The following PPP4R2 variants were observed in gnomAD, a reference collection of about 807,000 sequenced individuals.
PPP4R2 encodes the protein serine/threonine-protein phosphatase 4 regulatory subunit 2.
PPP4R2 carries 13 observed loss-of-function variants against 47.2 expected under a neutral mutation model. The ratio of observed to expected loss-of-function variants is 0.28; its 90% CI spans 0.18 to 0.44. The LOEUF is 0.44. PPP4R2 is among the 20% of genes least tolerant of loss of function. The pLI is 1.00. For missense variants in PPP4R2, 421 were observed against 491.2 expected (o/e 0.86, Z 1.35); for synonymous variants, 151 against 163.3 (o/e 0.92, Z 0.57).
chr3:73,006,831 C>T (rs149309548), intron 2 of PPP4R2, among the ~76,000 whole-genome samples: 52 of 152,288 alleles, frequency 3.4e-4, no homozygotes, highest in Admixed American at 1.2e-3. Flanking sequence ...TACCTGTTGG[C>T]TATTTTATGA....
chr3:73,006,187 A>G (rs1472347228), intron 2 of PPP4R2, among the ~76,000 whole-genome samples: 1 of 134,498 alleles, frequency 7.4e-6, no homozygotes, highest in Admixed American at 7.8e-5. Flanking sequence ...TGAATATGCC[A>G]CAATTTTTTT....
At chr3:73,028,678 T>G (rs1575859086) in intron 2 of PPP4R2, among the ~76,000 whole-genome samples, 1 of 152,106 alleles carries the variant, frequency 6.6e-6, no homozygotes, top group East Asian at 1.9e-4. Context: ...GACCTCGTGA[T>G]CCGCCCGCCT....
chr3:73,007,916 A>G (rs539861083), intron 2 of PPP4R2, among the ~76,000 whole-genome samples: 1 of 137,494 alleles, frequency 7.3e-6, no homozygotes, highest in Non-Finnish European at 1.6e-5. Context: ...ACATTCTTGT[A>G]ACATCTGTAC....
chr3:73,036,027 G>A (rs966131687), intron 2 of PPP4R2, among the ~76,000 whole-genome samples: 3 of 152,112 alleles, frequency 2.0e-5, no homozygotes, highest in Non-Finnish European at 4.4e-5. Flanking sequence ...GTATATATAC[G>A]CACACACACA....
intron 2 of PPP4R2, among the ~76,000 whole-genome samples, chr3:73,004,685 T>A (rs1241650990): frequency 6.6e-6 from 1 of 152,170 alleles, no homozygotes; most frequent in Non-Finnish European, 1.5e-5. Context: ...GCTTAAGTGA[T>A]CTGCCCACTT....
At chr3:73,048,601 T>C (rs563081326) in intron 3 of PPP4R2, among the ~76,000 whole-genome samples, 1 of 152,202 alleles carries the variant, frequency 6.6e-6, no homozygotes, top group Non-Finnish European at 1.5e-5. Context: ...AAGAAGTGTT[T>C]GTGAAGTTGA....
chr3:72,996,860 C>T lies in PPP4R2; in HGVS notation c.-178C>T, dbSNP rs1033173069. The T allele has an allele frequency of 7.3e-6, 3 of 411,922 alleles. No homozygotes were observed. Among genetic ancestry groups the T allele is most frequent in the Non-Finnish European group, 1.3e-5 (3 of 231,440 alleles). The allele number at this position is 411,922 out of a possible 1,614,324, so 25.5% of individuals were successfully genotyped here. The stretch of plus-strand genomic sequence containing the variant: ...GTAGCGGCTTGGGGAGGTGCTCGCT[C>T]TGTCGGTCTTGCTCTCTCGCACGCT... On this transcript the variant is annotated 5_prime_UTR_variant, in exon 1 of 9. Transcript: ENST00000356692.
intron 3 of PPP4R2, among the ~76,000 whole-genome samples, chr3:73,051,366 G>A (rs927958999): frequency 3.9e-5 from 6 of 152,168 alleles, no homozygotes; most frequent in South Asian, 2.1e-4. Flanking sequence ...GTAATTCTTC[G>A]GTACTGTATA....
At chr3:73,034,343 G>A (rs891024068) in intron 2 of PPP4R2, among the ~76,000 whole-genome samples, 1 of 152,126 alleles carries the variant, frequency 6.6e-6, no homozygotes, top group Non-Finnish European at 1.5e-5. Flanking sequence ...TAGTTTTTGT[G>A]TGTGTAGAAT....
chr3:73,012,636 T>C (rs1240004869), intron 2 of PPP4R2, among the ~76,000 whole-genome samples: 1 of 152,162 alleles, frequency 6.6e-6, no homozygotes, highest in Non-Finnish European at 1.5e-5. Context: ...GTTGGTTGGA[T>C]TCGCGAATGT....
chr3:72,997,196 C>A, intron 1 of PPP4R2, 125 bp downstream of exon 1: 2 of 658,448 alleles, frequency 3.0e-6, no homozygotes, highest in Non-Finnish European at 4.5e-6. Flanking sequence ...TCCCGGGCTC[C>A]CATCCCCCTC....
chr3:73,024,606 T>A (rs1252183183), intron 2 of PPP4R2, among the ~76,000 whole-genome samples: 1 of 152,164 alleles, frequency 6.6e-6, no homozygotes, highest in Middle Eastern at 3.2e-3. Context: ...TAAATTATAA[T>A]TTGAAAGCCC....
rs1446874861 is a variant in PPP4R2 at position 73,024,071 on chromosome 3, TAGA to T, written c.117-23114_117-23112del. Among the ~76,000 whole-genome samples the T allele has an allele frequency of 4.4e-4, 67 of 152,208 alleles. No individual in the cohort carries two copies. The East Asian group carries it at 0.011, about 25-fold the overall frequency. On this transcript the variant is annotated intron_variant, in intron 2 of 8. Transcript: ENST00000356692. ...TATATTAAAAATAAAATAGATTTTA[TAGA>T]TATGATTGGCTGAAATGAACAGCCT...
At chr3:72,999,260 A>C (rs184918002) in intron 2 of PPP4R2, among the ~76,000 whole-genome samples, 2 of 152,306 alleles carry the variant, frequency 1.3e-5, no homozygotes, top group Non-Finnish European at 2.9e-5. Flanking sequence ...GGGCGGGGGA[A>C]GTCATTTTTA....
chr3:73,019,905 T>C lies in PPP4R2; in HGVS notation c.116+21747T>C, dbSNP rs550442564. Among the ~76,000 whole-genome samples the C allele has an allele frequency of 3.3e-5, 5 of 152,304 alleles. No individual in the cohort carries two copies. In the South Asian group the frequency reaches 1.0e-3, roughly 32 times the overall value. ...CTTGCCATTTACAATTTTGTCTTAT[T>C]TTCCACTCTATATTAGGGGTATTTT... is the stretch of plus-strand genomic sequence containing the variant. On this transcript the variant is annotated intron_variant, in intron 2 of 8. Coordinates refer to ENST00000356692, the MANE Select transcript of PPP4R2 (RefSeq NM_174907.4).
chr3:73,030,703 CTCTTTTTT>C (rs951753152), intron 2 of PPP4R2, among the ~76,000 whole-genome samples: 27 of 150,294 alleles, frequency 1.8e-4, no homozygotes, highest in Non-Finnish European at 3.1e-4. Flanking sequence ...TTTCTCTTTC[CTCTTTTTT>C]TCTTTTTTTG....
intron 5 of PPP4R2, chr3:73,062,919 T>A: frequency 6.3e-7 from 1 of 1,594,546 alleles, no homozygotes; most frequent in Non-Finnish European, 8.6e-7. Flanking sequence ...AAAGCACAGA[T>A]GACAACCTAT....
chr3:73,047,884 T>C (rs1431010665), intron 3 of PPP4R2, among the ~76,000 whole-genome samples: 1 of 152,122 alleles, frequency 6.6e-6, no homozygotes, highest in African/African-American at 2.4e-5. Context: ...TGTTTTGTTT[T>C]GTTTGTTTTT....
At chr3:73,051,524 T>C (rs1702612786) in intron 3 of PPP4R2, among the ~76,000 whole-genome samples, 1 of 152,236 alleles carries the variant, frequency 6.6e-6, no homozygotes, top group Non-Finnish European at 1.5e-5. Flanking sequence ...TTTTTGCTTT[T>C]AGTTTGTAAA....
Sources: gnomAD v4.1 joint callset for allele counts (sites outside exome capture counted in the v4.1 genomes callset) on GRCh38, gnomAD v4.1.1 for gene constraint, MANE v1.5 for transcripts, NCBI Gene and HGNC (gene_info 2026-07-23, HGNC 2026-07-21) for gene names.